GDF2: variants seen among roughly 807,000 people sequenced by gnomAD.
GDF2 encodes growth differentiation factor 2.
A neutral mutation model predicts 16.9 loss-of-function variants in GDF2; 17 were observed. The observed-to-expected ratio is 1.00, with a 90% CI of 0.69 to 1.51. The LOEUF (loss-of-function observed/expected upper bound fraction) is 1.51. Among genes scored for constraint, GDF2 ranks in the 40% most tolerant of loss-of-function variants. GDF2 has a pLI of 0.00. For missense variants in GDF2, 523 were observed against 556.3 expected, an observed-to-expected ratio of 0.94 and a Z score of 0.60; for synonymous variants, 276 against 237.6, an observed-to-expected ratio of 1.16 and a Z score of -1.49.
At position 47,327,147 on chromosome 10, in the gene GDF2, A is replaced by G. The variant is rs2061111438; in HGVS notation, c.*1363A>G. On this transcript the variant is annotated 3_prime_UTR_variant, in exon 2 of 2. Transcript: ENST00000581492. ...GAACACAAGGGAAGATAAGGCTTCC[A>G]TTTGCTCTGTGTTTCACCCTCTCCT... Among the ~76,000 whole-genome samples, 1 of 152,150 alleles carries G rather than the reference A, an allele frequency of 6.6e-6. No homozygotes were observed. Among genetic ancestry groups the G allele is most frequent in the African/African-American group, 2.4e-5 (1 of 41,432 alleles).
Position 47,324,837 on chromosome 10 carries a change from T to C in GDF2, c.347-4T>C, listed in dbSNP as rs1555208863. On this transcript the variant is annotated splice_polypyrimidine_tract_variant and splice_region_variant and intron_variant, in intron 1 of 1. Transcript: ENST00000581492. ...GATGCCCACCACGTGTGTTTGCATT[T>C]CAGATGCCATCTCCATAACTGCCAC... The C allele has an allele frequency of 6.2e-7, 1 of 1,605,920 alleles. No individual in the cohort carries two copies. Among genetic ancestry groups the C allele is most frequent in the Admixed American group, 1.7e-5 (1 of 59,996 alleles).
rs200196714 is a variant in GDF2, at chr10:47,325,376, G to A, written c.882G>A (p.Glu294=). The change falls in exon 2 of 2, where the codon GAG becomes GAA. Residue 294 remains glutamate, a synonymous_variant. Transcript: ENST00000581492. ...AGCTGTCCAAGGACGGCTCCACAGA[G>A]GCAGGTGAGAGCAGTCACGAGGAGG... ...LKKLSKDGST[E]AGESSHEEDT... 8.1e-6 allele frequency: 13 copies of A among 1,614,154 alleles called. No homozygotes were observed. In the African/African-American group the frequency reaches 1.6e-4, roughly 20 times the overall value.
rs2061107632 is a variant in GDF2 at position 47,326,461 on chromosome 10, G to A, written c.*677G>A. ...GCCAGGCTGAGGCCCATCAGTCACA[G>A]GTGTGACTGGGCTGCTTGTCACACA... On this transcript the variant is annotated 3_prime_UTR_variant, in exon 2 of 2. Coordinates refer to ENST00000581492, the MANE Select transcript of GDF2 (RefSeq NM_016204.4). Among the ~76,000 whole-genome samples the A allele has an allele frequency of 6.6e-6, 1 of 152,346 alleles. No individual in the cohort carries two copies. The highest frequency in any genetic ancestry group is 2.1e-4 in the South Asian group (1 of 4,832).
At chr10:47,324,498 C>T (rs1255347378) in intron 1 of GDF2, among the ~76,000 whole-genome samples, 3 of 152,158 alleles carry the variant, frequency 2.0e-5, no homozygotes, top group African/African-American at 7.2e-5. Context: ...TCCCAGTCTC[C>T]ACATCTGCAA....
chr10:47,325,055 G>A lies in GDF2; in HGVS notation c.561G>A (p.Glu187=). The A allele has an allele frequency of 6.2e-7, 1 of 1,614,104 alleles. No individual in the cohort carries two copies. Among genetic ancestry groups the A allele is most frequent in the East Asian group, 2.2e-5 (1 of 44,886 alleles). Reference sequence around the variant, plus strand: ...CAGATGCCTGGGATAGTGCTACAGAGACCAAGACCTTCCTGGTGTCCCAGG... The same window carrying A: ...CAGATGCCTGGGATAGTGCTACAGAAACCAAGACCTTCCTGGTGTCCCAGG... ...DGTDAWDSAT[E]TKTFLVSQDI... Residue 187 remains glutamate (E), a synonymous_variant, in exon 2 of 2, where the codon GAG becomes GAA. Coordinates refer to ENST00000581492, the MANE Select transcript of GDF2 (RefSeq NM_016204.4).
chr10:47,325,712 G>T lies in GDF2; in HGVS notation c.1218G>T (p.Lys406Asn). 6.3e-7 allele frequency: 1 copy of T among 1,590,164 alleles called. No individual in the cohort carries two copies. Among genetic ancestry groups the T allele is most frequent in the Non-Finnish European group, 8.6e-7 (1 of 1,166,454 alleles). Residue 406 changes from lysine to asparagine, a missense_variant, in exon 2 of 2, where the codon AAG becomes AAT. Transcript: ENST00000581492. ...TKLSPISVLY[K>N]DDMGVPTLKY... is the part of the protein sequence containing the mutation. ...TGAGCCCCATCTCCGTCCTCTACAAGGATGACATGGGGGTGCCCACCCTCA... is the reference window on the plus strand; with the variant it reads ...TGAGCCCCATCTCCGTCCTCTACAATGATGACATGGGGGTGCCCACCCTCA...
intron 1 of GDF2, among the ~76,000 whole-genome samples, chr10:47,324,129 C>T (rs934506147): frequency 1.3e-5 from 2 of 152,226 alleles, no homozygotes; most frequent in African/African-American, 4.8e-5. Flanking sequence ...AATGGGATAT[C>T]GAGATAACTA....
rs1287798689 is a variant in GDF2, at chr10:47,325,881, C to A, written c.*97C>A. 4 of 900,780 alleles carry A rather than the reference C, an allele frequency of 4.4e-6. No homozygotes were observed. Among genetic ancestry groups the A allele is most frequent in the African/African-American group, 1.7e-5 (1 of 59,514 alleles). The allele number at this position is 900,780 out of a possible 1,614,324, so 55.8% of individuals were successfully genotyped here. On this transcript the variant is annotated 3_prime_UTR_variant, in exon 2 of 2. Coordinates refer to ENST00000581492, the MANE Select transcript of GDF2 (RefSeq NM_016204.4). ...AACAAGGACTGATTCAATCTGCATG[C>A]CAGCCTGGAGGAGGAAAGGGAGCCT...
chr10:47,324,980 C>G lies in GDF2; in HGVS notation c.486C>G (p.Pro162=). Residue 162 remains proline, a synonymous_variant, in exon 2 of 2, where the codon CCC becomes CCG. Transcript: ENST00000581492. ...LYVSCQNHVD[P]SHDLKGSVVI... is the part of the protein sequence containing the mutation. ...TCTCCTGTCAAAATCACGTGGACCCCTCTCATGACCTGAAAGGAAGCGTGG... is the reference window on the plus strand; with the variant it reads ...TCTCCTGTCAAAATCACGTGGACCCGTCTCATGACCTGAAAGGAAGCGTGG... 1 of 1,614,166 alleles carries G rather than the reference C, an allele frequency of 6.2e-7. No homozygotes were observed. The highest frequency in any genetic ancestry group is 8.5e-7 in the Non-Finnish European group (1 of 1,180,040).
rs1264190648 is a variant in GDF2, at chr10:47,327,010, G to T, written c.*1226G>T. ...AGGCCTCTCCAGCCTCGGAAGAGCTGCAGTCCTTATCGGCTATCACTGGCT... is the reference window on the plus strand; with the variant it reads ...AGGCCTCTCCAGCCTCGGAAGAGCTTCAGTCCTTATCGGCTATCACTGGCT... On this transcript the variant is annotated 3_prime_UTR_variant, in exon 2 of 2. Coordinates refer to ENST00000581492, the MANE Select transcript of GDF2 (RefSeq NM_016204.4). Among the ~76,000 whole-genome samples, 7 of 152,232 alleles carry T rather than the reference G, an allele frequency of 4.6e-5. No individual in the cohort carries two copies. The highest frequency in any genetic ancestry group is 7.3e-5 in the Non-Finnish European group (5 of 68,034).
rs1555208926 is a variant in GDF2 at position 47,325,155 on chromosome 10, A to G, written c.661A>G (p.Lys221Glu). The part of the protein sequence containing the change: ...VKRWVRSDST[K>E]SKNKLEVTVE... ...GCGCTGGGTCCGGTCCGACTCCACCAAGAGCAAAAATAAGCTGGAAGTGAC... is the reference window on the plus strand; with the variant it reads ...GCGCTGGGTCCGGTCCGACTCCACCGAGAGCAAAAATAAGCTGGAAGTGAC... The change falls in exon 2 of 2, where the codon AAG becomes GAG. Residue 221 changes from lysine to glutamate, a missense_variant. Lys to Glu is a moderately conservative substitution (Grantham distance 56, BLOSUM62 1). Transcript: ENST00000581492. 2 of 1,613,890 alleles carry G rather than the reference A, an allele frequency of 1.2e-6. No homozygotes were observed. Among genetic ancestry groups the G allele is most frequent in the Non-Finnish European group, 1.7e-6 (2 of 1,180,016 alleles).
Position 47,324,378 on chromosome 10 carries a change from G to A in GDF2, c.347-463G>A. Among the ~76,000 whole-genome samples, 2 of 152,316 alleles carry A rather than the reference G, an allele frequency of 1.3e-5. 1 individual carries two copies. ...TTCATACACTCAGGATCTTCACTCA[G>A]GATCTGACAGTGAGTTTTTCTGTTT... On this transcript the variant is annotated intron_variant, in intron 1 of 1. Transcript: ENST00000581492.
Position 47,324,888 on chromosome 10 carries a change from A to G in GDF2, c.394A>G (p.Ile132Val), listed in dbSNP as rs2061098611. 6 of 1,613,722 alleles carry G rather than the reference A, an allele frequency of 3.7e-6. No homozygotes were observed. Among genetic ancestry groups the G allele is most frequent in the Admixed American group, 1.7e-5 (1 of 60,024 alleles). The stretch of plus-strand genomic sequence containing the variant: ...AGAGGACTTCCCCTTCCAGAAGCAC[A>G]TCTTGCTCTTCAACATCTCCATTCC... Reference protein sequence around the residue: ...ATEDFPFQKHILLFNISIPRH... With the variant: ...ATEDFPFQKHVLLFNISIPRH... The change falls in exon 2 of 2, where the codon ATC becomes GTC. Residue 132 changes from isoleucine to valine, a missense_variant. By Grantham distance (29) the Ile-to-Val change is conservative. Transcript: ENST00000581492.
In GDF2 at chr10:47,322,792, G is replaced by T. The variant is rs782015913; in HGVS notation, c.124G>T (p.Gly42Trp). 1.9e-6 allele frequency: 3 copies of T among 1,613,618 alleles called. No homozygotes were observed. Among genetic ancestry groups the T allele is most frequent in the African/African-American group, 1.3e-5 (1 of 74,908 alleles). The change falls in exon 1 of 2, where the codon GGG becomes TGG. Residue 42 changes from glycine (G) to tryptophan (W), a missense_variant. Transcript: ENST00000581492. ...SAGGNAHSPL[G>W]VPGGGLPEHT... Reference sequence around the variant, plus strand: ...TGGGGGAAACGCCCACAGCCCACTGGGGGTGCCTGGAGGTGGGCTGCCTGA... The same window carrying T: ...TGGGGGAAACGCCCACAGCCCACTGTGGGTGCCTGGAGGTGGGCTGCCTGA...
intron 1 of GDF2, 41 bp downstream of exon 1, chr10:47,323,055 C>T: frequency 7.0e-7 from 1 of 1,435,388 alleles, no homozygotes; most frequent in Non-Finnish European, 9.6e-7. Flanking sequence ...GGGTGGGACT[C>T]ACAGGTCCAC....
In GDF2 at chr10:47,325,152, AC is replaced by A. The variant is rs1214542646; in HGVS notation, c.660del (p.Lys221ArgfsTer8). On this transcript the variant is annotated frameshift_variant, in exon 2 of 2. Coordinates refer to ENST00000581492, the MANE Select transcript of GDF2 (RefSeq NM_016204.4). LOFTEE classifies it high-confidence loss of function. ...GAAGCGCTGGGTCCGGTCCGACTCCACCAAGAGCAAAAATAAGCTGGAAGTG... is the reference window on the plus strand; with the variant it reads ...GAAGCGCTGGGTCCGGTCCGACTCCACAAGAGCAAAAATAAGCTGGAAGTG... ...AVKRWVRSDS[T>X]KSKNKLEVTV... The A allele has an allele frequency of 6.2e-7, 1 of 1,613,818 alleles. No homozygotes were observed. The highest frequency in any genetic ancestry group is 8.5e-7 in the Non-Finnish European group (1 of 1,180,042).
At chr10:47,324,765 A>T in intron 1 of GDF2, 76 bp from the exon 2 acceptor site, 1 of 1,016,384 alleles carries the variant, frequency 9.8e-7, no homozygotes, top group Non-Finnish European at 1.5e-6. Context: ...TCTTCTGTCT[A>T]AACCCTGAGA....
chr10:47,324,794 G>A (rs2061098064), intron 1 of GDF2, 47 bp from the exon 2 acceptor site: 3 of 1,375,696 alleles, frequency 2.2e-6, no homozygotes, highest in African/African-American at 1.4e-5. Context: ...CAGTGTCATG[G>A]AAACAGACCC....
Position 47,325,632 on chromosome 10 carries a change from G to C in GDF2, c.1138G>C (p.Val380Leu). ...PTKHAIVQTL[V>L]HLKFPTKVGK... ...GAAACACGCTATCGTGCAGACCCTG[G>C]TGCATCTCAAGTTCCCCACAAAGGT... Residue 380 changes from valine to leucine, a missense_variant, in exon 2 of 2, where the codon GTG (valine) becomes CTG (leucine). By Grantham distance (32) the Val-to-Leu change is conservative. Coordinates refer to ENST00000581492, the MANE Select transcript of GDF2 (RefSeq NM_016204.4). The C allele has an allele frequency of 6.2e-7, 1 of 1,613,902 alleles. No homozygotes were observed. Among genetic ancestry groups the C allele is most frequent in the Non-Finnish European group, 8.5e-7 (1 of 1,179,850 alleles).
Sources: allele counts gnomAD v4.1 joint callset (sites outside exome capture counted in the v4.1 genomes callset), GRCh38; gene constraint gnomAD v4.1.1; transcripts MANE v1.5; gene names NCBI Gene and HGNC (gene_info 2026-07-23, HGNC 2026-07-21).